APOM: variants seen among roughly 807,000 people sequenced by gnomAD.
APOM encodes the protein NG20-like protein.
In APOM, 24 loss-of-function variants were observed where a neutral mutation model predicts 23.5. That is an observed-to-expected ratio of 1.02 (90% confidence interval 0.74 to 1.44). The LOEUF is 1.44. Ranked by LOEUF, APOM falls within the 40% of genes most tolerant of loss-of-function variation. The pLI is 0.00. For missense variants in APOM, 200 were observed against 233.2 expected (o/e 0.86, Z 0.93); for synonymous variants, 82 against 84.1 (o/e 0.97, Z 0.14).
At chr6:31,656,437 C>A (rs1800066128) in intron 1 of APOM, 35 bp from the exon 2 acceptor site, 2 of 1,606,990 alleles carry the variant, frequency 1.2e-6, no homozygotes, top group Middle Eastern at 3.3e-4. Context: ...TGTGCTGGAA[C>A]CCACCCTCTT....
rs150308443 is a variant in APOM at position 31,657,706 on chromosome 6, T to G, written c.524T>G (p.Leu175Trp). Residue 175 changes from leucine to tryptophan, a missense_variant, in exon 5 of 6, where the codon TTG becomes TGG. By Grantham distance (61) the Leu-to-Trp change is moderately conservative (BLOSUM62 -2). Coordinates refer to ENST00000375916, the MANE Select transcript of APOM (RefSeq NM_019101.3). ...TGCCTGGACTCCAAAGCCTTCTTATTGACTCCTAGGAATCAAGGTAAGGGG... is the reference window on the plus strand; with the variant it reads ...TGCCTGGACTCCAAAGCCTTCTTATGGACTCCTAGGAATCAAGGTAAGGGG... ...TSCLDSKAFLLTPRNQEACEL... is the reference protein window; with the variant it reads ...TSCLDSKAFLWTPRNQEACEL... The G allele has an allele frequency of 2.5e-6, 4 of 1,612,712 alleles. No individual in the cohort carries two copies. Among genetic ancestry groups the G allele is most frequent in the Non-Finnish European group, 3.4e-6 (4 of 1,179,444 alleles).
In APOM at chr6:31,656,081, G is replaced by A. The variant is rs2151142384; in HGVS notation, c.114+1G>A. The A allele has an allele frequency of 1.9e-6, 3 of 1,559,272 alleles. No individual in the cohort carries two copies. Among genetic ancestry groups the A allele is most frequent in the Non-Finnish European group, 2.6e-6 (3 of 1,150,780 alleles). ...AACTCTGGGCGTGGATGGGAAGGAG[G>A]TATGGACTGAGATTGGGGGAAGCCT... is the stretch of plus-strand genomic sequence containing the variant. On this transcript the variant is annotated splice_donor_variant, in intron 1 of 5. Transcript: ENST00000375916. LOFTEE classifies it high-confidence loss of function.
chr6:31,656,633 G>A lies in APOM; in HGVS notation c.269+7G>A, dbSNP rs200305133. ...TTCGTGCTACCATCCGCATGTGAGT[G>A]GTAAGGAGGCAGAAGCATCACTGGG... On this transcript the variant is annotated splice_region_variant and intron_variant, in intron 2 of 5. Coordinates refer to ENST00000375916, the MANE Select transcript of APOM (RefSeq NM_019101.3). 230 of 1,612,538 alleles carry A rather than the reference G, an allele frequency of 1.4e-4. 1 individual carries two copies. The highest frequency in any genetic ancestry group is 3.3e-4 in the Middle Eastern group (2 of 6,060).
upstream of APOM, chr6:31,652,494 C>G (rs1283513283): frequency 6.6e-6 from 1 of 152,360 alleles, no homozygotes; most frequent in Admixed American, 6.5e-5. Flanking sequence ...CCGGCTCCCC[C>G]CAGGTCCCCA....
At position 31,658,123 on chromosome 6, in the gene APOM, A is replaced by C. The variant is rs371669056; in HGVS notation, c.*34A>C. The C allele has an allele frequency of 1.9e-6, 3 of 1,611,930 alleles. No individual in the cohort carries two copies. The African/African-American group carries it at 4.0e-5, about 22-fold the overall frequency. On this transcript the variant is annotated 3_prime_UTR_variant, in exon 6 of 6. Coordinates refer to ENST00000375916, the MANE Select transcript of APOM (RefSeq NM_019101.3). ...TTCATCTAAGTCCCCAGATGGGTAC[A>C]ATGGGAGCTGAGTTGTTGGAGGGAG...
chr6:31,653,038 G>C (rs1798970747), upstream of APOM, among the ~76,000 whole-genome samples: 1 of 152,174 alleles, frequency 6.6e-6, no homozygotes, highest in South Asian at 2.1e-4. Context: ...GGTCAATTTT[G>C]TTCTCGGTTG....
At chr6:31,656,647 A>C (rs1269252027) in intron 2 of APOM, 21 bp downstream of exon 2, 1 of 1,610,668 alleles carries the variant, frequency 6.2e-7, no homozygotes, top group South Asian at 1.1e-5. Context: ...AGGAGGCAGA[A>C]GCATCACTGG....
chr6:31,658,118 G>A lies in APOM; in HGVS notation c.*29G>A. ...GTAACTTCATCTAAGTCCCCAGATG[G>A]GTACAATGGGAGCTGAGTTGTTGGA... On this transcript the variant is annotated 3_prime_UTR_variant, in exon 6 of 6. Coordinates refer to ENST00000375916, the MANE Select transcript of APOM (RefSeq NM_019101.3). The A allele has an allele frequency of 6.2e-7, 1 of 1,612,742 alleles. No individual in the cohort carries two copies. Among genetic ancestry groups the A allele is most frequent in the Non-Finnish European group, 8.5e-7 (1 of 1,178,798 alleles).
upstream of APOM, among the ~76,000 whole-genome samples, chr6:31,655,234 C>G (rs986429234): frequency 6.6e-6 from 1 of 152,178 alleles, no homozygotes; most frequent in African/African-American, 2.4e-5. Context: ...AGCTACCTGC[C>G]CTGCCTGTAG....
At chr6:31,657,836 T>C (rs1465313117) in intron 5 of APOM, 113 bp downstream of exon 5, 1 of 1,105,718 alleles carries the variant, frequency 9.0e-7, no homozygotes, top group South Asian at 1.3e-5. Context: ...AGAGCTGTGA[T>C]GTCACCTGAG....
upstream of APOM, among the ~76,000 whole-genome samples, chr6:31,653,419 A>G (rs1173833173): frequency 6.6e-6 from 1 of 152,098 alleles, no homozygotes; most frequent in African/African-American, 2.4e-5. Flanking sequence ...GGGGTGTCCA[A>G]CCTTTCTGGG....
intron 5 of APOM, 78 bp from the exon 6 acceptor site, chr6:31,657,986 C>T: frequency 1.4e-6 from 2 of 1,436,006 alleles, no homozygotes; most frequent in Non-Finnish European, 2.0e-6. Flanking sequence ...ACACGTTCTC[C>T]CCCACCCCAT....
rs570654148 is a variant in APOM, at chr6:31,656,856, G to A, written c.269+230G>A. ...AACAAATACAATGGAGTAAATAGAA[G>A]CCGGGACAGGCCAGACGTGGTGGCT... is the stretch of plus-strand genomic sequence containing the variant. On this transcript the variant is annotated intron_variant, in intron 2 of 5. Coordinates refer to ENST00000375916, the MANE Select transcript of APOM (RefSeq NM_019101.3). Among the ~76,000 whole-genome samples, 5 of 152,290 alleles carry A rather than the reference G, an allele frequency of 3.3e-5. No homozygotes were observed. The South Asian group carries it at 1.0e-3, about 32-fold the overall frequency.
chr6:31,658,074 G>A lies in APOM; in HGVS notation c.552G>A (p.Glu184=). The A allele has an allele frequency of 6.2e-7, 1 of 1,614,060 alleles. No individual in the cohort carries two copies. The highest frequency in any genetic ancestry group is 1.1e-5 in the South Asian group (1 of 91,086). ...LLTPRNQEAC[E]LSNN is the part of the protein sequence containing the mutation. ...CTCCCCCCATCACAGAGGCCTGTGA[G>A]CTGTCCAATAACTGACCTGTAACTT... The change falls in exon 6 of 6, where the codon GAG becomes GAA. Residue 184 remains glutamate, a synonymous_variant. Transcript: ENST00000375916.
At position 31,658,209 on chromosome 6, in the gene APOM, C is replaced by T. The variant is rs114826514; in HGVS notation, c.*120C>T. On this transcript the variant is annotated 3_prime_UTR_variant, in exon 6 of 6. Transcript: ENST00000375916. The stretch of plus-strand genomic sequence containing the variant: ...ATAATAAAGATAATTTTTCAATCCT[C>T]ATCTCATTCTGGGGTTTGTCTCCAG... 1,009 of 1,208,364 alleles carry T rather than the reference C, an allele frequency of 8.4e-4. 5 individuals carry two copies. The African/African-American group carries it at 0.013, about 15-fold the overall frequency. The allele number at this position is 1,208,364 out of a possible 1,614,324, so 74.9% of individuals were successfully genotyped here.
chr6:31,655,948 A>G lies in APOM; in HGVS notation c.-19A>G, dbSNP rs1335359641. ...GAGCAGTTAAGGCACACAGAGCACC[A>G]GCTCCCTCCTGCCTGAAGATGTTCC... is the stretch of plus-strand genomic sequence containing the variant. On this transcript the variant is annotated 5_prime_UTR_variant, in exon 1 of 6. Coordinates refer to ENST00000375916, the MANE Select transcript of APOM (RefSeq NM_019101.3). The G allele has an allele frequency of 3.3e-6, 5 of 1,534,292 alleles. No individual in the cohort carries two copies. Among genetic ancestry groups the G allele is most frequent in the Middle Eastern group, 3.5e-4 (2 of 5,732 alleles).
At chr6:31,656,394 C>T in intron 1 of APOM, 78 bp from the exon 2 acceptor site, 1 of 1,460,448 alleles carries the variant, frequency 6.8e-7, no homozygotes, top group Non-Finnish European at 9.4e-7. Flanking sequence ...CTAAATCTTG[C>T]TGTTTTGACT....
In APOM at chr6:31,656,076, A is replaced by C. The variant is rs934128846; in HGVS notation, c.110A>C (p.Lys37Thr). Residue 37 changes from lysine to threonine, a missense_variant, in exon 1 of 6, where the codon AAG becomes ACG. Transcript: ENST00000375916. Reference sequence around the variant, plus strand: ...CTGACAACTCTGGGCGTGGATGGGAAGGAGGTATGGACTGAGATTGGGGGA... The same window carrying C: ...CTGACAACTCTGGGCGTGGATGGGACGGAGGTATGGACTGAGATTGGGGGA... Reference protein sequence around the residue: ...SQLTTLGVDGKEFPEVHLGQW... With the variant: ...SQLTTLGVDGTEFPEVHLGQW... The C allele has an allele frequency of 9.0e-6, 14 of 1,562,554 alleles. No individual in the cohort carries two copies. The African/African-American group carries it at 1.8e-4, about 20-fold the overall frequency.
At chr6:31,653,802 C>G (rs543922855), upstream of APOM, among the ~76,000 whole-genome samples, 1 of 152,278 alleles carries the variant, frequency 6.6e-6, no homozygotes, top group Admixed American at 6.5e-5. Context: ...CCACCTCAGC[C>G]TCCCTAGTAG....
Sources: gnomAD v4.1 joint callset for allele counts (sites outside exome capture counted in the v4.1 genomes callset) on GRCh38, gnomAD v4.1.1 for gene constraint, MANE v1.5 for transcripts, NCBI Gene and HGNC (gene_info 2026-07-23, HGNC 2026-07-21) for gene names.